The following CHRM3 variants were observed in gnomAD, a reference collection of about 807,000 sequenced individuals.
CHRM3 encodes cholinergic receptor muscarinic 3, also known as muscarinic acetylcholine receptor M3.
Under a neutral mutation model 41.8 loss-of-function variants are expected in CHRM3, and 11 were observed. The ratio of observed to expected loss-of-function variants is 0.26; its 90% CI spans 0.17 to 0.44. The LOEUF (loss-of-function observed/expected upper bound fraction) is 0.44. CHRM3 is among the 20% of genes least tolerant of loss of function. The probability of loss-of-function intolerance (pLI) is 1.00; values close to 1 mark genes in which losing one functional copy is unlikely to be tolerated. For synonymous variants in CHRM3, 297 were observed against 301.4 expected (o/e 0.99, Z 0.15); for missense variants, 571 against 745.4 (o/e 0.77, Z 2.72).
chr1:239,457,982 A>G (rs1369133967), intron 1 of CHRM3, among the ~76,000 whole-genome samples: 2 of 152,270 alleles, frequency 1.3e-5, no homozygotes, highest in South Asian at 2.1e-4. Flanking sequence ...GTGGGCTTCA[A>G]TTCAGTCTCA....
At chr1:239,555,156 G>A (rs748184611) in intron 3 of CHRM3, among the ~76,000 whole-genome samples, 2 of 152,156 alleles carry the variant, frequency 1.3e-5, no homozygotes, top group Non-Finnish European at 2.9e-5. Flanking sequence ...GGTTATGAGG[G>A]ATGATGGGGG....
At chr1:239,874,293 A>ATATATATATATATATATATATACACAG (rs1572557151) in intron 6 of CHRM3, among the ~76,000 whole-genome samples, 2 of 67,070 alleles carry the variant, frequency 3.0e-5, no homozygotes, top group East Asian at 8.0e-4. Flanking sequence ...CAGTATATAT[A>ATATATATATATATATATATATACACAG]TATATATATA....
intron 5 of CHRM3, among the ~76,000 whole-genome samples, chr1:239,803,341 G>A (rs1248179381): frequency 1.3e-5 from 2 of 152,142 alleles, no homozygotes; most frequent in Non-Finnish European, 2.9e-5. Flanking sequence ...ATTTAAGTAC[G>A]TGTCTTCATA....
rs575921208 is a variant in CHRM3 at position 239,912,746 on chromosome 1, A to C, written c.*3522A>C. The C allele has an allele frequency of 6.0e-6, 1 of 167,258 alleles. No individual in the cohort carries two copies. The highest frequency in any genetic ancestry group is 2.1e-4 in the South Asian group (1 of 4,836). 10.4% of individuals were successfully genotyped at this position (167,258 alleles called of 1,614,324 possible). A position where few individuals can be genotyped will look rare whatever the true frequency, so the allele number is the denominator to read the frequency against. On this transcript the variant is annotated 3_prime_UTR_variant, in exon 7 of 7. Coordinates refer to ENST00000676153, the MANE Select transcript of CHRM3 (RefSeq NM_001375978.1). Reference sequence around the variant, plus strand: ...AGTCAGGGTGTCCTGTACCTATCTGAGTAGAGATGATTCAAGGATGGGGAC... The same window carrying C: ...AGTCAGGGTGTCCTGTACCTATCTGCGTAGAGATGATTCAAGGATGGGGAC...
chr1:239,480,086 A>C (rs899822403), intron 1 of CHRM3, among the ~76,000 whole-genome samples: 1 of 152,232 alleles, frequency 6.6e-6, no homozygotes, highest in Non-Finnish European at 1.5e-5. Context: ...TATGCATTCC[A>C]AGATGGTATG....
chr1:239,565,083 C>T (rs947718387), intron 3 of CHRM3, among the ~76,000 whole-genome samples: 3 of 152,118 alleles, frequency 2.0e-5, no homozygotes, highest in African/African-American at 7.2e-5. Flanking sequence ...TTGCCTTCTC[C>T]CCTATGGGGC....
chr1:239,837,413 A>G (rs969266984), intron 6 of CHRM3, among the ~76,000 whole-genome samples: 2 of 152,198 alleles, frequency 1.3e-5, no homozygotes, highest in Admixed American at 6.5e-5. Context: ...ATTACCTTTC[A>G]GCTAGGAAGG....
At chr1:239,623,076 A>G (rs1188613019) in intron 3 of CHRM3, among the ~76,000 whole-genome samples, 2 of 152,126 alleles carry the variant, frequency 1.3e-5, no homozygotes, top group Non-Finnish European at 1.5e-5. Flanking sequence ...TTATAACTCT[A>G]TAAAGGCTCA....
intron 4 of CHRM3, among the ~76,000 whole-genome samples, chr1:239,666,951 T>C (rs1203351942): frequency 6.6e-6 from 1 of 152,186 alleles, no homozygotes; most frequent in Non-Finnish European, 1.5e-5. Flanking sequence ...TTAATTCACT[T>C]AGAATAATGG....
intron 1 of CHRM3, among the ~76,000 whole-genome samples, chr1:239,439,383 G>C (rs1663526280): frequency 6.6e-6 from 1 of 152,002 alleles, no homozygotes; most frequent in African/African-American, 2.4e-5. Flanking sequence ...AATGCAATTG[G>C]GGGGAAATAA....
At chr1:239,452,014 A>G (rs1664593095) in intron 1 of CHRM3, among the ~76,000 whole-genome samples, 1 of 152,200 alleles carries the variant, frequency 6.6e-6, no homozygotes, top group Admixed American at 6.5e-5. Flanking sequence ...TAAATATACT[A>G]TCCATAAAAT....
At chr1:239,537,168 T>C (rs1294630147) in intron 2 of CHRM3, among the ~76,000 whole-genome samples, 1 of 152,190 alleles carries the variant, frequency 6.6e-6, no homozygotes, top group Non-Finnish European at 1.5e-5. Context: ...ATTGTTCTTC[T>C]TTCTCTTTTT....
chr1:239,788,357 T>A (rs1430489682), intron 5 of CHRM3, among the ~76,000 whole-genome samples: 1 of 152,194 alleles, frequency 6.6e-6, no homozygotes, highest in Non-Finnish European at 1.5e-5. Context: ...GCAATTAGAT[T>A]TTTTTTGCAT....
chr1:239,750,268 A>G (rs994362210), intron 5 of CHRM3, among the ~76,000 whole-genome samples: 5 of 152,238 alleles, frequency 3.3e-5, no homozygotes. Flanking sequence ...GGAGAGATGT[A>G]AAAGCACTTG....
intron 1 of CHRM3, among the ~76,000 whole-genome samples, chr1:239,445,934 G>A (rs892947096): frequency 2.0e-5 from 3 of 147,686 alleles, no homozygotes; most frequent in Middle Eastern, 3.3e-3. Context: ...CATCTTGAAT[G>A]GTGTGCACTT....
chr1:239,662,025 G>A (rs1158692110), intron 4 of CHRM3, among the ~76,000 whole-genome samples: 1 of 151,270 alleles, frequency 6.6e-6, no homozygotes, highest in East Asian at 1.9e-4. Flanking sequence ...AAAAAAAACA[G>A]AATAGAATAG....
At chr1:239,561,238 A>G (rs1236747078) in intron 3 of CHRM3, among the ~76,000 whole-genome samples, 2 of 152,218 alleles carry the variant, frequency 1.3e-5, no homozygotes, top group Non-Finnish European at 2.9e-5. Flanking sequence ...TTAACGTAAC[A>G]TAACACTCCT....
At chr1:239,829,406 T>TA (rs1672724244) in intron 6 of CHRM3, among the ~76,000 whole-genome samples, 1 of 151,272 alleles carries the variant, frequency 6.6e-6, no homozygotes, top group Non-Finnish European at 1.5e-5. Context: ...ACTGAATGAT[T>TA]TTTTTTTTTG....
chr1:239,609,454 A>G (rs919903532), intron 3 of CHRM3, among the ~76,000 whole-genome samples: 4 of 152,220 alleles, frequency 2.6e-5, no homozygotes, highest in African/African-American at 9.6e-5. Context: ...TCTGCTGTGA[A>G]TATCTGCATA....
Sources: allele counts gnomAD v4.1 joint callset (sites outside exome capture counted in the v4.1 genomes callset), GRCh38; gene constraint gnomAD v4.1.1; transcripts MANE v1.5; gene names NCBI Gene and HGNC (gene_info 2026-07-23, HGNC 2026-07-21).